ARPC1B: variants seen among roughly 807,000 people sequenced by gnomAD.
ARPC1B encodes the protein actin-related protein 2/3 complex subunit 1B.
Under a neutral mutation model 46.0 loss-of-function variants are expected in ARPC1B, and 29 were observed. The observed-to-expected ratio is 0.63, with a 90% CI of 0.47 to 0.86. ARPC1B has a LOEUF of 0.86. Among genes scored for constraint, ARPC1B ranks in the 40% least tolerant of loss-of-function variants. The probability of loss-of-function intolerance (pLI) is 0.00; values close to 1 mark genes in which losing one functional copy is unlikely to be tolerated. For missense variants in ARPC1B, 469 were observed against 529.4 expected (o/e 0.89, Z 1.12); for synonymous variants, 201 against 213.9 (o/e 0.94, Z 0.53).
chr7:99,387,173 G>A (rs536169598), intron 3 of ARPC1B, among the ~76,000 whole-genome samples: 1 of 152,320 alleles, frequency 6.6e-6, no homozygotes. Context: ...CGGGTGCAGT[G>A]GCTCATGCCT....
At chr7:99,377,035 C>G (rs887997578) in intron 1 of ARPC1B, among the ~76,000 whole-genome samples, 1 of 151,886 alleles carries the variant, frequency 6.6e-6, no homozygotes, top group African/African-American at 2.4e-5. Context: ...TTCTGGAGTC[C>G]GGGTCTCATT....
chr7:99,390,844 C>T (rs754000859), intron 5 of ARPC1B, 49 bp from the exon 6 acceptor site: 63 of 1,518,366 alleles, frequency 4.1e-5, no homozygotes, highest in South Asian at 1.9e-4. Flanking sequence ...AGTACAGGTG[C>T]GCACCACCAT....
intron 5 of ARPC1B, among the ~76,000 whole-genome samples, chr7:99,390,305 G>A (rs1440421201): frequency 6.6e-6 from 1 of 152,016 alleles, no homozygotes; most frequent in Non-Finnish European, 1.5e-5. Context: ...TCCAAATCCT[G>A]GACTCAAGCG....
chr7:99,392,998 G>T (rs947884536), intron 8 of ARPC1B, 122 bp downstream of exon 8: 2 of 1,053,020 alleles, frequency 1.9e-6, no homozygotes, highest in Non-Finnish European at 2.6e-6. Context: ...TGAGGACTGG[G>T]GACCCGGAGG....
chr7:99,384,929 AG>A (rs1311445988), intron 1 of ARPC1B, among the ~76,000 whole-genome samples: 1 of 137,466 alleles, frequency 7.3e-6, no homozygotes, highest in African/African-American at 2.8e-5. Context: ...TGGGGATTAC[AG>A]GCAGGTGCCA....
intron 3 of ARPC1B, among the ~76,000 whole-genome samples, chr7:99,387,476 G>A (rs896039751): frequency 4.6e-5 from 7 of 152,028 alleles, no homozygotes; most frequent in Admixed American, 1.3e-4. Flanking sequence ...GGTGGCTTGC[G>A]CCTGTACTCC....
At chr7:99,384,300 C>T (rs941862721) in intron 1 of ARPC1B, 2 of 152,358 alleles carry the variant, frequency 1.3e-5, no homozygotes, top group African/African-American at 2.4e-5. Flanking sequence ...ACATCTCCCT[C>T]GTTCTGGCCG....
At chr7:99,394,300 A>AG in intron 9 of ARPC1B, 151 bp from the exon 10 acceptor site, 1 of 1,047,698 alleles carries the variant, frequency 9.5e-7, no homozygotes, top group East Asian at 2.4e-5. Context: ...ACCCGTCTTC[A>AG]GGGCCGGGAT....
At position 99,390,026 on chromosome 7, in the gene ARPC1B, C is replaced by T; in HGVS notation, c.500+14C>T. ...CTTCAAGTGTCGGTGAGACAGGGCG[C>T]CATGGGGGAGGGCGGGGCTGACGTC... On this transcript the variant is annotated intron_variant, in intron 5 of 9. Transcript: ENST00000646101. The T allele has an allele frequency of 6.2e-7, 1 of 1,610,810 alleles. No homozygotes were observed. The highest frequency in any genetic ancestry group is 2.2e-5 in the East Asian group (1 of 44,870).
Position 99,394,031 on chromosome 7 carries a change from A to G in ARPC1B, c.992A>G (p.Gln331Arg). ...LDSLHKNSVS[Q>R]ISVLSGGKAK... ...TAAGCTCCTCTTCCTCTTTGCAGCC[A>G]GATCTCGGTGCTCAGCGGCGGCAAG... The change falls in exon 9 of 10, where the codon CAG (glutamine) becomes CGG (arginine). Residue 331 changes from glutamine to arginine, a missense_variant and splice_region_variant. Physicochemically the swap from Gln to Arg is conservative, Grantham distance 43. Coordinates refer to ENST00000646101, the MANE Select transcript of ARPC1B (RefSeq NM_005720.4). 6.2e-7 allele frequency: 1 copy of G among 1,612,978 alleles called. No homozygotes were observed. The highest frequency in any genetic ancestry group is 8.5e-7 in the Non-Finnish European group (1 of 1,180,016).
In ARPC1B at chr7:99,388,044, G is replaced by A. The variant is rs764232067; in HGVS notation, c.175G>A (p.Asp59Asn). 3 of 1,601,610 alleles carry A rather than the reference G, an allele frequency of 1.9e-6. No homozygotes were observed. The highest frequency in any genetic ancestry group is 2.6e-6 in the Non-Finnish European group (3 of 1,169,818). ...KEHNGQVTGIDWAPESNRIVT... is the reference protein window; with the variant it reads ...KEHNGQVTGINWAPESNRIVT... The stretch of plus-strand genomic sequence containing the variant: ...TTCCCTCCATCCCCCCACAGGCATC[G>A]ACTGGGCCCCCGAGAGTAACCGTAT... Residue 59 changes from aspartate (D) to asparagine (N), a missense_variant, in exon 4 of 10, where the codon GAC becomes AAC. Coordinates refer to ENST00000646101, the MANE Select transcript of ARPC1B (RefSeq NM_005720.4).
At chr7:99,389,822 G>T (rs1020331908) in intron 4 of ARPC1B, 83 bp from the exon 5 acceptor site, 7 of 1,170,366 alleles carry the variant, frequency 6.0e-6, no homozygotes, top group Non-Finnish European at 6.3e-6. Context: ...GGGAGCAGTG[G>T]GAGCCTGGAG....
At chr7:99,381,211 C>T (rs535882963) in intron 1 of ARPC1B, among the ~76,000 whole-genome samples, 1 of 152,306 alleles carries the variant, frequency 6.6e-6, no homozygotes, top group East Asian at 1.9e-4. Flanking sequence ...CCAGTGGGTG[C>T]CGGGTGCTTG....
At chr7:99,393,240 C>T (rs1562819235) in intron 8 of ARPC1B, among the ~76,000 whole-genome samples, 2 of 152,372 alleles carry the variant, frequency 1.3e-5, no homozygotes, top group African/African-American at 4.8e-5. Flanking sequence ...CTCACCATAG[C>T]AGCCCAGGTG....
At chr7:99,389,782 G>A (rs1794508736) in intron 4 of ARPC1B, 123 bp from the exon 5 acceptor site, 9 of 821,312 alleles carry the variant, frequency 1.1e-5, no homozygotes, top group South Asian at 4.8e-5. Flanking sequence ...ATGCCCAGTC[G>A]CCTCTCTCCT....
At chr7:99,379,616 T>C (rs536923840) in intron 1 of ARPC1B, among the ~76,000 whole-genome samples, 2 of 152,150 alleles carry the variant, frequency 1.3e-5, no homozygotes, top group East Asian at 3.9e-4. Context: ...AGCCCCAGCC[T>C]CATCTGGATT....
rs758941292 is a variant in ARPC1B, at chr7:99,390,943, C to T, written c.551C>T (p.Pro184Leu). 29 of 1,613,306 alleles carry T rather than the reference C, an allele frequency of 1.8e-5. No homozygotes were observed. Among genetic ancestry groups the T allele is most frequent in the East Asian group, 4.5e-5 (2 of 44,862 alleles). ...GTGGAGGAACGGCCGGCACCCACCC[C>T]GTGGGGCTCCAAGATGCCCTTTGGG... ...KEVEERPAPTPWGSKMPFGEL... is the reference protein window; with the variant it reads ...KEVEERPAPTLWGSKMPFGEL... The change falls in exon 6 of 10, where the codon CCG becomes CTG. Residue 184 changes from proline (P) to leucine (L), a missense_variant. By Grantham distance (98) the Pro-to-Leu change is moderately conservative. Transcript: ENST00000646101.
intron 9 of ARPC1B, 121 bp from the exon 10 acceptor site, chr7:99,394,330 T>A: frequency 9.0e-7 from 1 of 1,110,226 alleles, no homozygotes; most frequent in Non-Finnish European, 1.4e-6. Flanking sequence ...GCTGACAGAC[T>A]CCAAAACTGC....
Position 99,394,115 on chromosome 7 carries a change from T to A in ARPC1B, c.1076T>A (p.Val359Glu). ...GMDGGMSIWD[V>E]KSLESALKDL... ...GATGGCGGCATGAGTATCTGGGATG[T>A]GAAGGTGAGGCTTGCCCCTCCTGGC... The change falls in exon 9 of 10, where the codon GTG (valine) becomes GAG (glutamate). Residue 359 changes from valine to glutamate, a missense_variant. Val to Glu is a moderately radical substitution (Grantham distance 121, BLOSUM62 -2). Coordinates refer to ENST00000646101, the MANE Select transcript of ARPC1B (RefSeq NM_005720.4). 6.2e-7 allele frequency: 1 copy of A among 1,613,468 alleles called. No individual in the cohort carries two copies. The highest frequency in any genetic ancestry group is 8.5e-7 in the Non-Finnish European group (1 of 1,180,006).
Sources: gnomAD v4.1 joint callset for allele counts (sites outside exome capture counted in the v4.1 genomes callset) on GRCh38, gnomAD v4.1.1 for gene constraint, MANE v1.5 for transcripts, NCBI Gene and HGNC (gene_info 2026-07-23, HGNC 2026-07-21) for gene names.